Variants in CUX1 observed in about 807,000 individuals in gnomAD.
CUX1 encodes cut like homeobox 1.
In CUX1, 31 loss-of-function variants were observed where a neutral mutation model predicts 158.8. The observed-to-expected ratio is 0.20, with a 90% CI of 0.15 to 0.26. The LOEUF is 0.26. Ranked by LOEUF, CUX1 falls within the 10% of genes least tolerant of loss-of-function variation. The pLI is 1.00. For missense variants in CUX1, 1,589 were observed against 2,014.6 expected (o/e 0.79, Z 4.04); for synonymous variants, 879 against 862.1 (o/e 1.02, Z -0.34).
intron 20 of CUX1, among the ~76,000 whole-genome samples, chr7:102,223,392 G>C (rs1033218034): frequency 6.6e-5 from 10 of 152,154 alleles, no homozygotes; most frequent in African/African-American, 2.4e-4. Flanking sequence ...TCAGTCATAA[G>C]ATTTATGTTG....
chr7:102,093,275 T>G (rs1173450078), intron 4 of CUX1, among the ~76,000 whole-genome samples: 1 of 144,108 alleles, frequency 6.9e-6, no homozygotes, highest in African/African-American at 2.6e-5. Context: ...AACCTCCACC[T>G]CCCAGGCTCA....
intron 9 of CUX1, among the ~76,000 whole-genome samples, chr7:102,162,951 G>T (rs1413920682): frequency 6.6e-6 from 1 of 152,160 alleles, no homozygotes; most frequent in Non-Finnish European, 1.5e-5. Flanking sequence ...CATGAGATGG[G>T]GAATCACGCA....
chr7:102,146,489 C>T (rs191387920), intron 8 of CUX1, among the ~76,000 whole-genome samples: 1 of 152,316 alleles, frequency 6.6e-6, no homozygotes, highest in East Asian at 1.9e-4. Flanking sequence ...AATCGTTTCC[C>T]ATGAACACGT....
chr7:102,120,920 C>T (rs1831963709), intron 8 of CUX1, among the ~76,000 whole-genome samples: 1 of 152,148 alleles, frequency 6.6e-6, no homozygotes, highest in African/African-American at 2.4e-5. Context: ...CAAAAATTAT[C>T]TGGGCATGGT....
In CUX1 at chr7:102,250,888, G is replaced by A; in HGVS notation, c.*1846G>A. The A allele has an allele frequency of 1.0e-5, 10 of 985,334 alleles. No homozygotes were observed. The highest frequency in any genetic ancestry group is 1.2e-5 in the Non-Finnish European group (10 of 829,916). 61.0% of individuals were successfully genotyped at this position (985,334 alleles called of 1,614,324 possible). On this transcript the variant is annotated 3_prime_UTR_variant, in exon 24 of 24. Transcript: ENST00000292535. ...CCTTTTTCAATAAGCTGTTTTATCA[G>A]TTACGGCTTCTACAAGTTTGCTAAT...
At chr7:102,145,901 C>T (rs1246404758) in intron 8 of CUX1, among the ~76,000 whole-genome samples, 2 of 152,062 alleles carry the variant, frequency 1.3e-5, no homozygotes, top group African/African-American at 4.8e-5. Flanking sequence ...GAGTCGAGAT[C>T]GTGCCATTGC....
chr7:101,816,599 G>A (rs1267269354), upstream of CUX1, among the ~76,000 whole-genome samples: 1 of 142,484 alleles, frequency 7.0e-6, no homozygotes, highest in Non-Finnish European at 1.5e-5. Context: ...CCGCGCCCCC[G>A]GCCCGCCGTA....
At chr7:102,157,224 C>T (rs1789868764) in intron 8 of CUX1, among the ~76,000 whole-genome samples, 1 of 151,966 alleles carries the variant, frequency 6.6e-6, no homozygotes. Context: ...CTGAAGGCAG[C>T]AGAGTGCAGG....
In CUX1 at chr7:101,983,051, C is replaced by T. The variant is rs78539628; in HGVS notation, c.142-45047C>T. Among the ~76,000 whole-genome samples the T allele has an allele frequency of 4.9e-3, 752 of 151,948 alleles. 8 individuals are homozygous for T. Among genetic ancestry groups the T allele is most frequent in the African/African-American group, 0.017 (718 of 41,484 alleles). On this transcript the variant is annotated intron_variant, in intron 2 of 23. Coordinates refer to ENST00000292535, the MANE Select transcript of CUX1 (RefSeq NM_181552.4). The stretch of plus-strand genomic sequence containing the variant: ...ACTAGTCATTCATTCATTCACCCAA[C>T]AGTTCCTGACGGCCCACCTCAACAG...
chr7:102,049,499 A>G (rs570312931), intron 3 of CUX1, among the ~76,000 whole-genome samples: 33 of 152,144 alleles, frequency 2.2e-4, no homozygotes, highest in Middle Eastern at 6.8e-3. Flanking sequence ...GAAGTAGGAG[A>G]AGAGGGGGAA....
chr7:102,101,953 C>T (rs187619099), intron 5 of CUX1, among the ~76,000 whole-genome samples: 12 of 151,808 alleles, frequency 7.9e-5, no homozygotes, highest in African/African-American at 2.4e-4. Flanking sequence ...TATGTTTACA[C>T]GAGAGTGTAG....
rs1789902872 is a variant in CUX1 at position 102,256,434 on chromosome 7, G to T, written c.*7392G>T. On this transcript the variant is annotated 3_prime_UTR_variant, in exon 24 of 24. Coordinates refer to ENST00000292535, the MANE Select transcript of CUX1 (RefSeq NM_181552.4). ...ATAAATGCTTTTTGCTGTCACTCTA[G>T]TGGTTACTATCCTCTGCCTTCCTCT... 2.0e-6 allele frequency: 2 copies of T among 985,324 alleles called. No homozygotes were observed. The highest frequency in any genetic ancestry group is 3.5e-5 in the African/African-American group (2 of 57,294). The allele number at this position is 985,324 out of a possible 1,614,324, so 61.0% of individuals were successfully genotyped here. A position where few individuals can be genotyped will look rare whatever the true frequency, so the allele number is the denominator to read the frequency against.
chr7:102,204,947 C>T (rs772402337), intron 19 of CUX1, among the ~76,000 whole-genome samples, 167 bp from the exon 20 acceptor site: 2 of 152,214 alleles, frequency 1.3e-5, no homozygotes, highest in African/African-American at 4.8e-5. Flanking sequence ...GCTCCCGGCC[C>T]GGGGGCCTGG....
chr7:101,816,418 C>T (rs1791790156), upstream of CUX1, among the ~76,000 whole-genome samples: 1 of 141,534 alleles, frequency 7.1e-6, no homozygotes, highest in Admixed American at 6.9e-5. Flanking sequence ...CCGCCGCCGC[C>T]GCCAGCGCCG....
chr7:101,820,672 G>C (rs1456424758), intron 1 of CUX1, among the ~76,000 whole-genome samples: 1 of 152,092 alleles, frequency 6.6e-6, no homozygotes, highest in Non-Finnish European at 1.5e-5. Flanking sequence ...GAGAGTTTTG[G>C]TTTCCACCGA....
At chr7:101,971,144 A>G (rs1032583712) in intron 2 of CUX1, among the ~76,000 whole-genome samples, 1 of 152,256 alleles carries the variant, frequency 6.6e-6, no homozygotes, top group African/African-American at 2.4e-5. Flanking sequence ...CCTGCCCAGT[A>G]TGGCGCTGCC....
chr7:101,908,719 T>G (rs1483263564), intron 1 of CUX1, among the ~76,000 whole-genome samples: 1 of 152,158 alleles, frequency 6.6e-6, no homozygotes, highest in African/African-American at 2.4e-5. Context: ...ACTTGAACCA[T>G]CCCTGGAGCC....
chr7:101,980,431 C>T (rs539533058), intron 2 of CUX1, among the ~76,000 whole-genome samples: 5 of 152,278 alleles, frequency 3.3e-5, no homozygotes, highest in Admixed American at 2.0e-4. Context: ...GATTGCTCCA[C>T]CCGAGAGGTC....
At chr7:101,910,044 C>G (rs1261776982) in intron 1 of CUX1, among the ~76,000 whole-genome samples, 1 of 152,216 alleles carries the variant, frequency 6.6e-6, no homozygotes, top group Non-Finnish European at 1.5e-5. Flanking sequence ...CTCAGCCTCT[C>G]AAGTAGCTGG....
Sources: allele counts gnomAD v4.1 joint callset (sites outside exome capture counted in the v4.1 genomes callset), GRCh38; gene constraint gnomAD v4.1.1; transcripts MANE v1.5; gene names NCBI Gene and HGNC (gene_info 2026-07-23, HGNC 2026-07-21).